Variants in ARID4B observed in about 807,000 individuals in gnomAD.
The protein encoded by ARID4B is AT-rich interaction domain 4B, also known as AT-rich interactive domain-containing protein 4B.
A neutral mutation model predicts 147.5 loss-of-function variants in ARID4B; 26 were observed. That is an observed-to-expected ratio of 0.18 (90% CI 0.13 to 0.24). ARID4B has a LOEUF of 0.24. Among genes scored for constraint, ARID4B ranks in the 10% least tolerant of loss-of-function variants. The pLI, the probability that ARID4B is intolerant of heterozygous loss-of-function variation, is 1.00. For synonymous variants in ARID4B, 512 were observed against 507.9 expected, an observed-to-expected ratio of 1.01 and a Z score of -0.11; for missense variants, 1,179 against 1,511.5, an observed-to-expected ratio of 0.78 and a Z score of 3.65.
At chr1:235,205,135 GAGT>G (rs1666224761) in intron 17 of ARID4B, among the ~76,000 whole-genome samples, 1 of 152,038 alleles carries the variant, frequency 6.6e-6, no homozygotes. Flanking sequence ...CAAAGAAAAT[GAGT>G]AGAACAACTT....
At chr1:235,217,942 T>C (rs1209230026) in intron 16 of ARID4B, among the ~76,000 whole-genome samples, 2 of 152,190 alleles carry the variant, frequency 1.3e-5, no homozygotes, top group African/African-American at 4.8e-5. Context: ...TTTTTTCCTA[T>C]ACATACATAC....
chr1:235,320,655 T>C (rs896920774), intron 2 of ARID4B, among the ~76,000 whole-genome samples: 6 of 152,220 alleles, frequency 3.9e-5, no homozygotes, highest in Non-Finnish European at 8.8e-5. Context: ...CCATGTCCTA[T>C]AAGGCCCTAC....
At chr1:235,309,265 GCCCCTCCGCCCGGC>G (rs1673833595) in intron 2 of ARID4B, among the ~76,000 whole-genome samples, 1 of 126,950 alleles carries the variant, frequency 7.9e-6, no homozygotes, top group Admixed American at 8.3e-5. Context: ...GAAGTGAGGA[GCCCCTCCGCCCGGC>G]AGCCGCCCCA....
chr1:235,300,186 CG>C (rs2103242491), intron 2 of ARID4B, among the ~76,000 whole-genome samples: 1 of 152,074 alleles, frequency 6.6e-6, no homozygotes, highest in South Asian at 2.1e-4. Context: ...GAGGCTGAGG[CG>C]GGCAAACCGC....
intron 2 of ARID4B, among the ~76,000 whole-genome samples, chr1:235,293,652 CA>C (rs5781823): frequency 0.014 from 2,114 of 147,730 alleles, 44 homozygotes; most frequent in African/African-American, 0.044. Flanking sequence ...GCACATAAAC[CA>C]AAAAAAAAAA....
At chr1:235,173,810 A>ATATATG (rs1663634428) in intron 22 of ARID4B, among the ~76,000 whole-genome samples, 3 of 74,720 alleles carry the variant, frequency 4.0e-5, no homozygotes, top group East Asian at 6.8e-4. Flanking sequence ...ATATATATAT[A>ATATATG]TATGTATACC....
intron 2 of ARID4B, among the ~76,000 whole-genome samples, chr1:235,287,536 T>C (rs973292717): frequency 5.9e-5 from 9 of 152,350 alleles, no homozygotes; most frequent in African/African-American, 2.2e-4. Flanking sequence ...TTTTTATTTT[T>C]CTACTTGCCC....
chr1:235,185,611 C>G (rs1052426509), intron 19 of ARID4B, among the ~76,000 whole-genome samples: 2 of 152,118 alleles, frequency 1.3e-5, no homozygotes, highest in African/African-American at 2.4e-5. Flanking sequence ...TAGAGCTCAT[C>G]GAGTAGTTTC....
In ARID4B at chr1:235,274,238, G is replaced by A. The variant is rs563309444; in HGVS notation, c.7-13486C>T. Among the ~76,000 whole-genome samples the A allele has an allele frequency of 2.6e-5, 4 of 152,142 alleles. No individual in the cohort carries two copies. In the East Asian group the frequency reaches 7.7e-4, roughly 29 times the overall value. ...AAAATACAAAAAAAAAAAATTAGCTGGGCGTGGTGGTGGCTTGGGAGGCTA... is the reference window on the plus strand; with the variant it reads ...AAAATACAAAAAAAAAAAATTAGCTAGGCGTGGTGGTGGCTTGGGAGGCTA... On this transcript the variant is annotated intron_variant, in intron 2 of 23. Transcript: ENST00000264183.
At chr1:235,204,541 G>A (rs1666181191) in intron 17 of ARID4B, among the ~76,000 whole-genome samples, 1 of 152,194 alleles carries the variant, frequency 6.6e-6, no homozygotes, top group East Asian at 1.9e-4. Flanking sequence ...ATATCAATAG[G>A]TTTTCCTAAG....
At chr1:235,294,008 C>A (rs566386924) in intron 2 of ARID4B, among the ~76,000 whole-genome samples, 1 of 152,208 alleles carries the variant, frequency 6.6e-6, no homozygotes, top group South Asian at 2.1e-4. Context: ...TAAAACTGAT[C>A]ATCTACAAAT....
chr1:235,231,068 A>G (rs1233934361), intron 10 of ARID4B, 45 bp downstream of exon 10: 2 of 1,287,508 alleles, frequency 1.6e-6, no homozygotes, highest in East Asian at 4.8e-5. Flanking sequence ...AAAACACTTT[A>G]GCAGTTTTTA....
At chr1:235,297,063 T>C (rs566995198) in intron 2 of ARID4B, among the ~76,000 whole-genome samples, 1 of 152,018 alleles carries the variant, frequency 6.6e-6, no homozygotes, top group Non-Finnish European at 1.5e-5. Context: ...CTTAAAGAAA[T>C]AGCTGATTCC....
chr1:235,292,956 T>C (rs10158444), intron 2 of ARID4B, among the ~76,000 whole-genome samples: 11 of 152,300 alleles, frequency 7.2e-5, no homozygotes, highest in African/African-American at 2.6e-4. Context: ...TGGATTCAAA[T>C]GAATACGTAG....
intron 8 of ARID4B, among the ~76,000 whole-genome samples, chr1:235,238,900 C>T (rs894759606): frequency 6.6e-6 from 1 of 150,852 alleles, no homozygotes; most frequent in Admixed American, 6.6e-5. Context: ...ATGCAAATGA[C>T]TCAATGGTCT....
chr1:235,284,287 G>T (rs546251194), intron 2 of ARID4B, among the ~76,000 whole-genome samples: 1 of 152,254 alleles, frequency 6.6e-6, no homozygotes, highest in East Asian at 1.9e-4. Flanking sequence ...TTGAACCTGG[G>T]AGGCAGATGC....
intron 2 of ARID4B, among the ~76,000 whole-genome samples, chr1:235,310,211 A>G (rs986758131): frequency 1.3e-5 from 2 of 152,024 alleles, no homozygotes; most frequent in African/African-American, 2.4e-5. Context: ...GGAAATTTAC[A>G]TAAAAATGTT....
chr1:235,247,789 G>C (rs923125461), intron 6 of ARID4B, among the ~76,000 whole-genome samples: 1 of 152,130 alleles, frequency 6.6e-6, no homozygotes, highest in Non-Finnish European at 1.5e-5. Context: ...GGGAGTTGGA[G>C]ACCAGCCTGA....
At chr1:235,239,855 T>C (rs1343830116) in intron 8 of ARID4B, among the ~76,000 whole-genome samples, 3 of 151,824 alleles carry the variant, frequency 2.0e-5, no homozygotes, top group East Asian at 1.9e-4. Context: ...GTAGAGAAAA[T>C]TGAAGAGTGG....
Sources: allele counts gnomAD v4.1 joint callset (sites outside exome capture counted in the v4.1 genomes callset), GRCh38; gene constraint gnomAD v4.1.1; transcripts MANE v1.5; gene names NCBI Gene and HGNC (gene_info 2026-07-23, HGNC 2026-07-21).